The following TBC1D32 variants were observed in gnomAD, a reference collection of about 807,000 sequenced individuals.
TBC1D32 encodes TBC1 domain family member 32, also known as protein broad-minded.
In TBC1D32, 151 loss-of-function variants were observed where a neutral mutation model predicts 170.3. The observed-to-expected ratio is 0.89, with a 90% CI of 0.78 to 1.01. TBC1D32 has a LOEUF of 1.01. Among genes scored for constraint, TBC1D32 ranks in the 50% least tolerant of loss-of-function variants. The probability of loss-of-function intolerance (pLI) is 0.00; values close to 1 mark genes in which losing one functional copy is unlikely to be tolerated. For missense variants in TBC1D32, 1,464 were observed against 1,457.1 expected (o/e 1.00, Z -0.08); for synonymous variants, 498 against 488.0 (o/e 1.02, Z -0.27).
chr6:121,263,085 A>T (rs566147087), intron 15 of TBC1D32, among the ~76,000 whole-genome samples: 17 of 152,268 alleles, frequency 1.1e-4, no homozygotes, highest in East Asian at 7.7e-4. Context: ...AACAATATTA[A>T]CCTACAATGT....
At chr6:121,333,177 T>G (rs562936604) in intron 1 of TBC1D32, among the ~76,000 whole-genome samples, 22 of 152,258 alleles carry the variant, frequency 1.4e-4, no homozygotes, top group South Asian at 1.0e-3. Context: ...CTAGAAAAAT[T>G]TCCAGTGTCA....
chr6:121,201,140 T>A (rs1476719509), intron 22 of TBC1D32, among the ~76,000 whole-genome samples: 2 of 151,522 alleles, frequency 1.3e-5, no homozygotes, highest in Non-Finnish European at 2.9e-5. Flanking sequence ...CCACATCTGA[T>A]TCACTCATCA....
In TBC1D32 at chr6:121,271,832, C is replaced by A. The variant is rs555777381; in HGVS notation, c.1733+7289G>T. Among the ~76,000 whole-genome samples the A allele has an allele frequency of 7.9e-5, 12 of 152,210 alleles. No individual in the cohort carries two copies. The South Asian group carries it at 2.5e-3, about 32-fold the overall frequency. ...ACAATCCTAAGACAAAAGCTGGAGG[C>A]ACCATGCCACCTGACTTCAAACTGT... On this transcript the variant is annotated intron_variant, in intron 15 of 31. Transcript: ENST00000398212.
chr6:121,159,832 G>T (rs1020298307), intron 24 of TBC1D32, among the ~76,000 whole-genome samples, 178 bp downstream of exon 24: 2 of 152,136 alleles, frequency 1.3e-5, no homozygotes, highest in Admixed American at 1.3e-4. Flanking sequence ...ATTATGCAGT[G>T]CATGACTGTA....
At chr6:121,211,524 C>T (rs1793057079) in intron 21 of TBC1D32, among the ~76,000 whole-genome samples, 1 of 152,140 alleles carries the variant, frequency 6.6e-6, no homozygotes, top group Non-Finnish European at 1.5e-5. Context: ...GCCTTTGCGT[C>T]CTCATAGCTA....
chr6:121,260,582 G>T (rs1799628457), intron 15 of TBC1D32, among the ~76,000 whole-genome samples: 1 of 152,192 alleles, frequency 6.6e-6, no homozygotes, highest in Non-Finnish European at 1.5e-5. Context: ...TCAGCCAAGT[G>T]GGATGGTGAT....
chr6:121,278,348 A>G (rs1316331012), intron 15 of TBC1D32, among the ~76,000 whole-genome samples: 1 of 152,140 alleles, frequency 6.6e-6, no homozygotes, highest in Non-Finnish European at 1.5e-5. Flanking sequence ...TCCTCAATAA[A>G]TATTAGCAAA....
At chr6:121,147,886 C>T (rs1783674660) in intron 24 of TBC1D32, among the ~76,000 whole-genome samples, 1 of 150,730 alleles carries the variant, frequency 6.6e-6, no homozygotes, top group African/African-American at 2.4e-5. Context: ...GCCACCGCGC[C>T]CAGTCTCATA....
chr6:121,317,609 G>T lies in TBC1D32; in HGVS notation c.381C>A (p.Asn127Lys). 6.2e-7 allele frequency: 1 copy of T among 1,612,078 alleles called. No homozygotes were observed. Among genetic ancestry groups the T allele is most frequent in the Non-Finnish European group, 8.5e-7 (1 of 1,179,016 alleles). The stretch of plus-strand genomic sequence containing the variant: ...TTCGTGTCTCATCTTCTTCAAACTT[G>T]TTAATCATAGACTCGACCACAGCTA... ...IMIAVVESMI[N>K]KFEEDETRNQ... The change falls in exon 3 of 32, where the codon AAC becomes AAA. Residue 127 changes from asparagine to lysine, a missense_variant. Physicochemically the swap from Asn to Lys is moderately conservative, Grantham distance 94. Coordinates refer to ENST00000398212, the MANE Select transcript of TBC1D32 (RefSeq NM_152730.6).
chr6:121,143,770 C>T lies in TBC1D32; in HGVS notation c.2774-12018G>A, dbSNP rs1039844832. 3.9e-5 allele frequency among the ~76,000 whole-genome samples: 6 copies of T among 152,050 alleles called. No homozygotes were observed. The East Asian group carries it at 5.8e-4, about 15-fold the overall frequency. On this transcript the variant is annotated intron_variant, in intron 24 of 31. Coordinates refer to ENST00000398212, the MANE Select transcript of TBC1D32 (RefSeq NM_152730.6). ...ACTATTAATGTTTAGCTTTATTTAA[C>T]GGTATTTAACCAGACACATACCTGT...
At chr6:121,272,660 G>A (rs1273278901) in intron 15 of TBC1D32, among the ~76,000 whole-genome samples, 1 of 152,086 alleles carries the variant, frequency 6.6e-6, no homozygotes, top group African/African-American at 2.4e-5. Context: ...CACTGTTGGT[G>A]GGACTGTAAA....
At chr6:121,249,189 G>A (rs1284760456) in intron 17 of TBC1D32, among the ~76,000 whole-genome samples, 9 of 150,284 alleles carry the variant, frequency 6.0e-5, no homozygotes, top group Admixed American at 1.3e-4. Context: ...TCACATAAAC[G>A]GAATTAAAAA....
At chr6:121,313,555 T>C (rs1583708410) in intron 3 of TBC1D32, among the ~76,000 whole-genome samples, 2 of 152,088 alleles carry the variant, frequency 1.3e-5, no homozygotes, top group African/African-American at 4.8e-5. Context: ...GGCCTAACTC[T>C]AGGCAGCTGC....
chr6:121,214,492 G>A (rs578009116), intron 21 of TBC1D32, among the ~76,000 whole-genome samples: 1 of 152,300 alleles, frequency 6.6e-6, no homozygotes, highest in African/African-American at 2.4e-5. Flanking sequence ...GCTGCAGCAG[G>A]GTGGGCAGCT....
At chr6:121,093,709 G>T (rs1158559632) in intron 30 of TBC1D32, among the ~76,000 whole-genome samples, 2 of 152,038 alleles carry the variant, frequency 1.3e-5, no homozygotes, top group Non-Finnish European at 2.9e-5. Context: ...TTTTTGGCAT[G>T]TATATACATT....
chr6:121,116,990 A>C (rs1779746770), intron 26 of TBC1D32, among the ~76,000 whole-genome samples: 1 of 152,208 alleles, frequency 6.6e-6, no homozygotes, highest in African/African-American at 2.4e-5. Context: ...TTAAAACTAA[A>C]GATAAATAGA....
At chr6:121,211,934 C>T (rs1338008827) in intron 21 of TBC1D32, among the ~76,000 whole-genome samples, 1 of 151,484 alleles carries the variant, frequency 6.6e-6, no homozygotes, top group Admixed American at 6.6e-5. Flanking sequence ...ACCACAGTGC[C>T]GAGCAAATGG....
chr6:121,271,397 T>C (rs892938786), intron 15 of TBC1D32, among the ~76,000 whole-genome samples: 11 of 152,326 alleles, frequency 7.2e-5, no homozygotes, highest in African/African-American at 2.6e-4. Flanking sequence ...CTTAAGCTGA[T>C]AAGCAACTTC....
chr6:121,249,454 A>C (rs1798020934), intron 17 of TBC1D32, among the ~76,000 whole-genome samples: 2 of 152,022 alleles, frequency 1.3e-5, no homozygotes, highest in African/African-American at 4.8e-5. Flanking sequence ...TAGCACTAGA[A>C]GTTCTAGCCA....
Sources: allele counts gnomAD v4.1 joint callset (sites outside exome capture counted in the v4.1 genomes callset), GRCh38; gene constraint gnomAD v4.1.1; transcripts MANE v1.5; gene names NCBI Gene and HGNC (gene_info 2026-07-23, HGNC 2026-07-21).